The following PAPPA2 variants were observed in gnomAD, a reference collection of about 807,000 sequenced individuals.
PAPPA2 encodes pappalysin 2.
PAPPA2 carries 86 observed loss-of-function variants against 176.4 expected under a neutral mutation model. The ratio of observed to expected loss-of-function variants is 0.49; its 90% CI spans 0.41 to 0.58. The LOEUF (loss-of-function observed/expected upper bound fraction) is 0.58. Ranked by LOEUF, PAPPA2 falls within the 20% of genes least tolerant of loss-of-function variation. PAPPA2 has a pLI of 0.00. For synonymous variants in PAPPA2, 809 were observed against 852.2 expected (o/e 0.95, Z 0.88); for missense variants, 2,073 against 2,256.9 (o/e 0.92, Z 1.65).
At position 176,557,067 on chromosome 1, in the gene PAPPA2, C is replaced by A; in HGVS notation, c.745C>A (p.Arg249=). The change falls in exon 2 of 23, where the codon CGA becomes AGA. Residue 249 remains arginine, a synonymous_variant. Transcript: ENST00000367662. ...CCAAAATGGTGGAGAGGGCTCCTAC[C>A]GAGAAGCAGAGACCTTTAACTCCCA... ...SNQNGGEGSY[R]EAETFNSQVG... The A allele has an allele frequency of 1.2e-6, 2 of 1,613,992 alleles. No homozygotes were observed. The highest frequency in any genetic ancestry group is 1.7e-6 in the Non-Finnish European group (2 of 1,180,000).
At chr1:176,644,919 C>T (rs1334545308) in intron 3 of PAPPA2, among the ~76,000 whole-genome samples, 1 of 151,778 alleles carries the variant, frequency 6.6e-6, no homozygotes, top group African/African-American at 2.4e-5. Context: ...AACACAGGTG[C>T]AGCGCCACAA....
chr1:176,634,837 G>C (rs547670589), intron 3 of PAPPA2, among the ~76,000 whole-genome samples: 13 of 141,874 alleles, frequency 9.2e-5, no homozygotes, highest in Middle Eastern at 3.8e-3. Flanking sequence ...TAGATAGATA[G>C]ATAGATAGAT....
At chr1:176,469,485 C>A (rs1448857755) in intron 1 of PAPPA2, among the ~76,000 whole-genome samples, 1 of 152,152 alleles carries the variant, frequency 6.6e-6, no homozygotes, top group Non-Finnish European at 1.5e-5. Context: ...TTAACAGCAC[C>A]ATGGGAAGAA....
chr1:176,791,712 C>T lies in PAPPA2; in HGVS notation c.5020+230C>T, dbSNP rs776478126. Among the ~76,000 whole-genome samples, 2 of 152,128 alleles carry T rather than the reference C, an allele frequency of 1.3e-5. 1 individual carries two copies. Among genetic ancestry groups the T allele is most frequent in the Non-Finnish European group, 2.9e-5 (2 of 68,030 alleles). ...GGGACTACATATGCCTGCCACCACA[C>T]CTGGCTAATTTTTGTGTTTTTAGTA... On this transcript the variant is annotated intron_variant, in intron 19 of 22. Coordinates refer to ENST00000367662, the MANE Select transcript of PAPPA2 (RefSeq NM_020318.3).
intron 20 of PAPPA2, among the ~76,000 whole-genome samples, chr1:176,794,999 G>A (rs1284688138): frequency 2.6e-5 from 4 of 152,086 alleles, no homozygotes; most frequent in Non-Finnish European, 5.9e-5. Context: ...CGACAGGCAG[G>A]GGGCAGCCGA....
chr1:176,529,211 G>T (rs1649659485), intron 1 of PAPPA2, among the ~76,000 whole-genome samples: 1 of 152,070 alleles, frequency 6.6e-6, no homozygotes, highest in Non-Finnish European at 1.5e-5. Flanking sequence ...TGCATTTGAG[G>T]AAAATCAGGT....
At position 176,596,367 on chromosome 1, in the gene PAPPA2, G is replaced by A. The variant is rs548336488; in HGVS notation, c.1991+772G>A. Reference sequence around the variant, plus strand: ...CTCGCTGACTTGATTCTGTTCCATTGAACAGATCAAGCTTTTTTCTGCCCT... The same window carrying A: ...CTCGCTGACTTGATTCTGTTCCATTAAACAGATCAAGCTTTTTTCTGCCCT... On this transcript the variant is annotated intron_variant, in intron 3 of 22. Coordinates refer to ENST00000367662, the MANE Select transcript of PAPPA2 (RefSeq NM_020318.3). Among the ~76,000 whole-genome samples, 3 of 152,166 alleles carry A rather than the reference G, an allele frequency of 2.0e-5. No individual in the cohort carries two copies. In the South Asian group the frequency reaches 6.2e-4, roughly 32 times the overall value.
At chr1:176,581,065 A>G (rs899138590) in intron 2 of PAPPA2, among the ~76,000 whole-genome samples, 1 of 152,032 alleles carries the variant, frequency 6.6e-6, no homozygotes, top group African/African-American at 2.4e-5. Context: ...TGTTTCCCCT[A>G]TATTTTCTTC....
intron 1 of PAPPA2, among the ~76,000 whole-genome samples, chr1:176,543,977 G>A (rs1478573053): frequency 6.6e-6 from 1 of 152,320 alleles, no homozygotes; most frequent in African/African-American, 2.4e-5. Flanking sequence ...CCACTCATCA[G>A]CAGCAACTCT....
intron 21 of PAPPA2, among the ~76,000 whole-genome samples, chr1:176,839,584 T>A (rs1434522997): frequency 1.3e-5 from 2 of 152,120 alleles, no homozygotes; most frequent in Non-Finnish European, 2.9e-5. Context: ...ACCATCTGAG[T>A]CTTCATAGCA....
At chr1:176,496,666 C>T (rs1647647079) in intron 1 of PAPPA2, among the ~76,000 whole-genome samples, 1 of 152,072 alleles carries the variant, frequency 6.6e-6, no homozygotes, top group Non-Finnish European at 1.5e-5. Context: ...CAGAGATGTC[C>T]CTTGTTGTGG....
chr1:176,600,868 A>C (rs1378318095), intron 3 of PAPPA2, among the ~76,000 whole-genome samples: 3 of 152,150 alleles, frequency 2.0e-5, no homozygotes, highest in Admixed American at 2.0e-4. Flanking sequence ...AGTGGGGGAC[A>C]GACCTACAAA....
In PAPPA2 at chr1:176,584,472, G is replaced by T. The variant is rs1333272746; in HGVS notation, c.920-10052G>T. On this transcript the variant is annotated intron_variant, in intron 2 of 22. Transcript: ENST00000367662. Reference sequence around the variant, plus strand: ...AGTATAGCTTCTCCTGTTCATTTTTGATTTCCATTTGCATGGAATATTGTT... The same window carrying T: ...AGTATAGCTTCTCCTGTTCATTTTTTATTTCCATTTGCATGGAATATTGTT... 6.0e-5 allele frequency among the ~76,000 whole-genome samples: 9 copies of T among 150,056 alleles called. 1 individual carries two copies. The highest frequency in any genetic ancestry group is 1.3e-4 in the Non-Finnish European group (9 of 67,556).
At chr1:176,711,783 C>A in intron 11 of PAPPA2, 52 bp from the exon 12 acceptor site, 1 of 1,549,184 alleles carries the variant, frequency 6.5e-7, no homozygotes. Flanking sequence ...ATTGTCCTTA[C>A]TTATATCTTC....
chr1:176,695,641 C>T, intron 6 of PAPPA2, 97 bp from the exon 7 acceptor site: 4 of 1,402,866 alleles, frequency 2.9e-6, no homozygotes, highest in Non-Finnish European at 4.0e-6. Flanking sequence ...AACCATCAAC[C>T]CCTGCCCTCC....
At chr1:176,759,423 G>A (rs552138887) in intron 14 of PAPPA2, among the ~76,000 whole-genome samples, 37 of 152,032 alleles carry the variant, frequency 2.4e-4, no homozygotes, top group Admixed American at 9.8e-4. Flanking sequence ...AATGCCCACC[G>A]TTCCCCACCT....
At chr1:176,771,566 A>G (rs945318822) in intron 17 of PAPPA2, among the ~76,000 whole-genome samples, 11 of 152,116 alleles carry the variant, frequency 7.2e-5, no homozygotes, top group Non-Finnish European at 1.5e-5. Flanking sequence ...CTCTGCCTCA[A>G]TTTTCTTTCT....
At chr1:176,697,311 T>G (rs1394989260) in intron 7 of PAPPA2, among the ~76,000 whole-genome samples, 1 of 152,216 alleles carries the variant, frequency 6.6e-6, no homozygotes, top group Non-Finnish European at 1.5e-5. Context: ...CAAGGACCTT[T>G]ATGCTGCTAG....
At chr1:176,549,466 T>C in intron 1 of PAPPA2, among the ~76,000 whole-genome samples, 1 of 152,264 alleles carries the variant, frequency 6.6e-6, no homozygotes, top group Non-Finnish European at 1.5e-5. Flanking sequence ...CTTAGAGGTC[T>C]TCTATTCCAA....
Sources: allele counts gnomAD v4.1 joint callset (sites outside exome capture counted in the v4.1 genomes callset), GRCh38; gene constraint gnomAD v4.1.1; transcripts MANE v1.5; gene names NCBI Gene and HGNC (gene_info 2026-07-23, HGNC 2026-07-21).